The following TACR1 variants were observed in gnomAD, a reference collection of about 807,000 sequenced individuals.
TACR1 encodes substance-P receptor.
A neutral mutation model predicts 35.8 loss-of-function variants in TACR1; 25 were observed. The observed-to-expected ratio is 0.70, with a 90% CI of 0.51 to 0.98. The LOEUF is 0.98. Among genes scored for constraint, TACR1 ranks in the 50% least tolerant of loss-of-function variants. The probability of loss-of-function intolerance (pLI) is 0.00; values close to 1 mark genes in which losing one functional copy is unlikely to be tolerated. For synonymous variants in TACR1, 195 were observed against 206.7 expected, an observed-to-expected ratio of 0.94 and a Z score of 0.48; for missense variants, 478 against 522.9, an observed-to-expected ratio of 0.91 and a Z score of 0.84.
At chr2:75,175,890 T>C (rs1215232525) in intron 1 of TACR1, among the ~76,000 whole-genome samples, 1 of 152,116 alleles carries the variant, frequency 6.6e-6, no homozygotes, top group Non-Finnish European at 1.5e-5. Context: ...TCCTGGATTT[T>C]CTCAGAAGCT....
At chr2:75,096,135 C>G (rs925963942) in intron 2 of TACR1, among the ~76,000 whole-genome samples, 4 of 152,298 alleles carry the variant, frequency 2.6e-5, no homozygotes, top group African/African-American at 9.6e-5. Flanking sequence ...TTCTGCAGTG[C>G]TCTTTTGGGC....
chr2:75,087,152 A>G (rs1349311745), intron 2 of TACR1, among the ~76,000 whole-genome samples: 1 of 152,248 alleles, frequency 6.6e-6, no homozygotes, highest in Non-Finnish European at 1.5e-5. Flanking sequence ...TTGAAATGAT[A>G]CTACTATGGA....
At chr2:75,170,079 A>G (rs566454140) in intron 1 of TACR1, among the ~76,000 whole-genome samples, 2 of 152,168 alleles carry the variant, frequency 1.3e-5, no homozygotes, top group Middle Eastern at 6.8e-3. Flanking sequence ...TTTCTTGTAT[A>G]TTCAGAGAAC....
chr2:75,184,394 G>A (rs987396642), intron 1 of TACR1, among the ~76,000 whole-genome samples: 2 of 151,600 alleles, frequency 1.3e-5, no homozygotes, highest in African/African-American at 4.8e-5. Flanking sequence ...AAAAAAAAAG[G>A]TGCTTATGAT....
In TACR1 at chr2:75,097,998, G is replaced by A. The variant is rs539845385; in HGVS notation, c.584+22576C>T. Among the ~76,000 whole-genome samples the A allele has an allele frequency of 2.0e-5, 3 of 152,322 alleles. No homozygotes were observed. The South Asian group carries it at 6.2e-4, about 32-fold the overall frequency. On this transcript the variant is annotated intron_variant, in intron 2 of 4. Transcript: ENST00000305249. ...GTGATGTCACTGAACATGGAGTTGG[G>A]AAGAGATGTGCACAGTTGGCTTTTG...
chr2:75,070,153 G>T (rs1672848505), intron 2 of TACR1, among the ~76,000 whole-genome samples: 2 of 150,726 alleles, frequency 1.3e-5, no homozygotes, highest in Non-Finnish European at 3.0e-5. Context: ...CATTTATTTT[G>T]CTCTAATTGC....
chr2:75,083,856 A>C (rs1258275260), intron 2 of TACR1, among the ~76,000 whole-genome samples: 4 of 152,176 alleles, frequency 2.6e-5, no homozygotes, highest in African/African-American at 9.7e-5. Context: ...TAGATATACA[A>C]TCATGTCATC....
chr2:75,051,112 GTGA>G (rs1301932914), intron 4 of TACR1, 136 bp downstream of exon 4: 8 of 1,058,564 alleles, frequency 7.6e-6, no homozygotes, highest in Non-Finnish European at 1.1e-5. Flanking sequence ...GCTGAGTTGT[GTGA>G]TGATAAGTTA....
intron 1 of TACR1, among the ~76,000 whole-genome samples, chr2:75,133,234 A>T (rs1435296977): frequency 1.3e-5 from 2 of 152,210 alleles, no homozygotes; most frequent in Admixed American, 6.5e-5. Context: ...AGAAGAAAAA[A>T]TTTTTTGTGC....
intron 2 of TACR1, among the ~76,000 whole-genome samples, chr2:75,096,032 C>T (rs143444359): frequency 2.6e-5 from 4 of 152,218 alleles, no homozygotes; most frequent in African/African-American, 9.6e-5. Flanking sequence ...GGCTTAGGAT[C>T]AAGGTGAGAA....
chr2:75,104,173 T>C (rs886749636), intron 2 of TACR1, among the ~76,000 whole-genome samples: 2 of 151,928 alleles, frequency 1.3e-5, no homozygotes, highest in Non-Finnish European at 2.9e-5. Flanking sequence ...AGAGACTCAT[T>C]TTGGCTTTAA....
At chr2:75,151,969 C>T (rs1343581737) in intron 1 of TACR1, among the ~76,000 whole-genome samples, 1 of 152,180 alleles carries the variant, frequency 6.6e-6, no homozygotes, top group African/African-American at 2.4e-5. Context: ...GGATTTCAGA[C>T]TTGCATGAGC....
At chr2:75,145,022 T>A (rs1008045251) in intron 1 of TACR1, among the ~76,000 whole-genome samples, 7 of 152,138 alleles carry the variant, frequency 4.6e-5, no homozygotes, top group African/African-American at 1.4e-4. Context: ...ACATTTGGAA[T>A]GTATTAACAC....
intron 2 of TACR1, among the ~76,000 whole-genome samples, chr2:75,114,829 C>G (rs1673817724): frequency 6.6e-6 from 1 of 152,136 alleles, no homozygotes; most frequent in Non-Finnish European, 1.5e-5. Flanking sequence ...GACTTAATTA[C>G]AAATTATGAT....
intron 2 of TACR1, among the ~76,000 whole-genome samples, chr2:75,069,172 C>T (rs191314052): frequency 7.9e-5 from 12 of 152,236 alleles, no homozygotes; most frequent in African/African-American, 9.6e-5. Context: ...CTTTGCCTTC[C>T]GCCATGATTG....
chr2:75,170,920 G>A (rs1409546761), intron 1 of TACR1, among the ~76,000 whole-genome samples: 9 of 152,150 alleles, frequency 5.9e-5, no homozygotes, highest in Admixed American at 2.0e-4. Context: ...TTTGGAATTG[G>A]AACTTATGTT....
At chr2:75,130,346 T>C (rs1011674166) in intron 1 of TACR1, among the ~76,000 whole-genome samples, 1 of 152,226 alleles carries the variant, frequency 6.6e-6, no homozygotes, top group African/African-American at 2.4e-5. Flanking sequence ...CAGTCTGTTG[T>C]GCTGCGTCCT....
At chr2:75,093,433 T>C (rs543162691) in intron 2 of TACR1, among the ~76,000 whole-genome samples, 3 of 152,286 alleles carry the variant, frequency 2.0e-5, no homozygotes, top group Admixed American at 1.3e-4. Context: ...GCAGAATGAG[T>C]GTGATCTACT....
Position 75,198,756 on chromosome 2 carries a change from T to C in TACR1, c.179A>G (p.His60Arg). 2 of 1,614,194 alleles carry C rather than the reference T, an allele frequency of 1.2e-6. No individual in the cohort carries two copies. Reference sequence around the variant, plus strand: ...GTTCGTCACTGTCCTCATTCTTTTGTGGGCTAAGATGATCCACATCACTAC... The same window carrying C: ...GTTCGTCACTGTCCTCATTCTTTTGCGGGCTAAGATGATCCACATCACTAC... ...NVVVMWIILA[H>R]KRMRTVTNYF... Residue 60 changes from histidine to arginine, a missense_variant, in exon 1 of 5, where the codon CAC becomes CGC. Physicochemically the swap from His to Arg is conservative, Grantham distance 29. Transcript: ENST00000305249.
Sources: allele counts gnomAD v4.1 joint callset (sites outside exome capture counted in the v4.1 genomes callset), GRCh38; gene constraint gnomAD v4.1.1; transcripts MANE v1.5; gene names NCBI Gene and HGNC (gene_info 2026-07-23, HGNC 2026-07-21).